Variants in NRG2 observed in about 807,000 individuals in gnomAD.
The protein encoded by NRG2 is pro-neuregulin-2, membrane-bound isoform.
Under a neutral mutation model 73.9 loss-of-function variants are expected in NRG2, and 27 were observed. The observed-to-expected ratio is 0.37, with a 90% confidence interval of 0.27 to 0.50. The LOEUF (loss-of-function observed/expected upper bound fraction) is 0.50. NRG2 is among the 20% of genes least tolerant of loss of function. The pLI is 0.96. For missense variants in NRG2, 1,126 were observed against 1,210.1 expected (o/e 0.93, Z 1.03); for synonymous variants, 532 against 541.0 (o/e 0.98, Z 0.23).
intron 1 of NRG2, among the ~76,000 whole-genome samples, chr5:140,024,649 C>G (rs1760534605): frequency 6.6e-6 from 1 of 152,202 alleles, no homozygotes; most frequent in African/African-American, 2.4e-5. Flanking sequence ...CCCACGCTCC[C>G]TCCTTTGTGG....
intron 1 of NRG2, among the ~76,000 whole-genome samples, chr5:139,923,111 A>C (rs1751798204): frequency 6.6e-6 from 1 of 152,118 alleles, no homozygotes; most frequent in African/African-American, 2.4e-5. Context: ...TTGGGTGATA[A>C]TGATGTGTTA....
intron 9 of NRG2, 59 bp from the exon 10 acceptor site, chr5:139,848,756 GGGTTGGGGGTGGGGTAGGGTGGGAGGGGC>G: frequency 2.5e-6 from 2 of 788,362 alleles, no homozygotes; most frequent in Non-Finnish European, 3.6e-6. Flanking sequence ...GGGGGAGGGG[GGGTTGGGGGTGGGGTAGGGTGGGAGGGGC>G]GGACCCAGAC....
intron 5 of NRG2, among the ~76,000 whole-genome samples, chr5:139,858,585 G>C (rs1761951353): frequency 1.3e-5 from 2 of 152,182 alleles, no homozygotes; most frequent in African/African-American, 4.8e-5. Context: ...GCATTGGTGA[G>C]TGAGTGAATA....
At chr5:139,952,529 A>T (rs1580805315) in intron 1 of NRG2, among the ~76,000 whole-genome samples, 1 of 152,316 alleles carries the variant, frequency 6.6e-6, no homozygotes, top group Admixed American at 6.5e-5. Context: ...ATGGGGTGGG[A>T]GAAGGCTCCA....
intron 6 of NRG2, among the ~76,000 whole-genome samples, chr5:139,854,253 G>C (rs1345419330): frequency 6.6e-6 from 1 of 152,222 alleles, no homozygotes; most frequent in Admixed American, 6.5e-5. Flanking sequence ...GCGCATGCCA[G>C]GCCATTCACC....
chr5:139,929,752 G>A (rs746894567), intron 1 of NRG2, among the ~76,000 whole-genome samples: 12 of 152,118 alleles, frequency 7.9e-5, no homozygotes, highest in Non-Finnish European at 1.5e-4. Flanking sequence ...GTGACTTCTC[G>A]GCAGGCCCTC....
intron 1 of NRG2, among the ~76,000 whole-genome samples, chr5:139,933,453 C>T (rs1752625915): frequency 6.6e-6 from 1 of 152,110 alleles, no homozygotes; most frequent in Admixed American, 6.5e-5. Context: ...GAATAGCTCT[C>T]TTAATACAAG....
At chr5:139,918,442 T>G (rs951831832) in intron 1 of NRG2, among the ~76,000 whole-genome samples, 2 of 152,206 alleles carry the variant, frequency 1.3e-5, no homozygotes, top group African/African-American at 4.8e-5. Flanking sequence ...ATCTCTTCTT[T>G]GTGTACCCTT....
intron 1 of NRG2, among the ~76,000 whole-genome samples, chr5:139,989,883 G>T (rs1315369727): frequency 6.6e-6 from 1 of 151,328 alleles, no homozygotes; most frequent in Admixed American, 6.6e-5. Context: ...CCGCCTCCTG[G>T]GTTCATGCCA....
chr5:139,938,880 GA>G (rs1188219091), intron 1 of NRG2, among the ~76,000 whole-genome samples: 3,373 of 77,212 alleles, frequency 0.044, 63 homozygotes, highest in African/African-American at 0.089. Flanking sequence ...GAGAGAGAGA[GA>G]AGGAAAGAAA....
At chr5:139,981,377 G>A (rs910746865) in intron 1 of NRG2, among the ~76,000 whole-genome samples, 1 of 152,218 alleles carries the variant, frequency 6.6e-6, no homozygotes, top group Non-Finnish European at 1.5e-5. Flanking sequence ...GGTGGGAAGG[G>A]CCGGCCTCCC....
intron 1 of NRG2, among the ~76,000 whole-genome samples, chr5:139,925,018 C>G (rs1751947926): frequency 6.6e-6 from 1 of 152,052 alleles, no homozygotes; most frequent in East Asian, 1.9e-4. Context: ...ACACACGAAG[C>G]CTGGGAGTAG....
chr5:139,975,216 T>C (rs1252130059), intron 1 of NRG2, among the ~76,000 whole-genome samples: 6 of 152,160 alleles, frequency 3.9e-5, no homozygotes, highest in Admixed American at 3.9e-4. Flanking sequence ...CAAAATCAAG[T>C]CCAGCTTCTC....
intron 1 of NRG2, among the ~76,000 whole-genome samples, chr5:139,908,504 A>G (rs1438148113): frequency 6.6e-6 from 1 of 152,192 alleles, no homozygotes; most frequent in Non-Finnish European, 1.5e-5. Context: ...ATTCTTCACA[A>G]CACCACTATG....
chr5:139,987,772 G>GTTTTTTTT (rs374160865), intron 1 of NRG2, among the ~76,000 whole-genome samples: 1 of 126,164 alleles, frequency 7.9e-6, no homozygotes, highest in Non-Finnish European at 1.7e-5. Flanking sequence ...TCTGCAGGTT[G>GTTTTTTTT]TTTTTTTTTT....
intron 4 of NRG2, among the ~76,000 whole-genome samples, chr5:139,867,782 G>T: frequency 7.2e-6 from 1 of 138,966 alleles, no homozygotes; most frequent in African/African-American, 3.1e-5. Context: ...GTGTGTGTGT[G>T]TGTGTGTGTG....
chr5:139,852,754 C>A lies in NRG2; in HGVS notation c.1416+150G>T. 2 of 1,457,168 alleles carry A rather than the reference C, an allele frequency of 1.4e-6. No individual in the cohort carries two copies. The highest frequency in any genetic ancestry group is 1.9e-6 in the Non-Finnish European group (2 of 1,073,492). The allele number at this position is 1,457,168 out of a possible 1,614,324, so 90.3% of individuals were successfully genotyped here. ...CCCTTCCTCATGGAAGTGAGCAAAC[C>A]AAGGCCAGCCATCCTGGTGAGGCAG... On this transcript the variant is annotated intron_variant, in intron 7 of 9. Coordinates refer to ENST00000361474, the MANE Select transcript of NRG2 (RefSeq NM_004883.3). This position sits in a 1 kb window ranked among gnomAD's most constrained non-coding sequence, Gnocchi z 4.4.
chr5:139,851,901 T>TG lies in NRG2; in HGVS notation c.1545-71dup. On this transcript the variant is annotated intron_variant, in intron 8 of 9. Coordinates refer to ENST00000361474, the MANE Select transcript of NRG2 (RefSeq NM_004883.3). This position sits in a 1 kb window ranked among gnomAD's most constrained non-coding sequence, Gnocchi z 4.2. ...GGGCGGCCCAGCAGGTGTGGTCCCA[T>TG]GGACCTCCCTGGCTCTTCTTCCACC... 7.6e-7 allele frequency: 1 copy of TG among 1,310,744 alleles called. No homozygotes were observed. Among genetic ancestry groups the TG allele is most frequent in the Non-Finnish European group, 1.1e-6 (1 of 925,832 alleles). The allele number at this position is 1,310,744 out of a possible 1,614,324, so 81.2% of individuals were successfully genotyped here.
rs1206680021 is a variant in NRG2 at position 139,865,842 on chromosome 5, G to A, written c.1113-217C>T. Among the ~76,000 whole-genome samples, 1 of 152,132 alleles carries A rather than the reference G, an allele frequency of 6.6e-6. No homozygotes were observed. Among genetic ancestry groups the A allele is most frequent in the Non-Finnish European group, 1.5e-5 (1 of 68,024 alleles). ...ATGTGGCTCCATGGGTGGTGGGGAA[G>A]GTGGGGTGGGTCAGGGGGAGGATGA... On this transcript the variant is annotated intron_variant, in intron 4 of 9. Transcript: ENST00000361474. This position sits in a 1 kb window ranked among gnomAD's most constrained non-coding sequence, Gnocchi z 5.2.
Sources: gnomAD v4.1 joint callset for allele counts (sites outside exome capture counted in the v4.1 genomes callset) on GRCh38, gnomAD v4.1.1 for gene constraint, Gnocchi (gnomAD v3.1) non-coding constraint, MANE v1.5 for transcripts, NCBI Gene and HGNC (gene_info 2026-07-23, HGNC 2026-07-21) for gene names.